The following DLG1 variants were observed in gnomAD, a reference collection of about 807,000 sequenced individuals.
The protein encoded by DLG1 is discs large MAGUK scaffold protein 1, also known as disks large homolog 1.
A neutral mutation model predicts 123.4 loss-of-function variants in DLG1; 42 were observed. The ratio of observed to expected loss-of-function variants is 0.34; its 90% CI spans 0.27 to 0.44. DLG1 has a LOEUF of 0.44. Ranked by LOEUF, DLG1 falls within the 20% of genes least tolerant of loss-of-function variation. DLG1 has a pLI of 1.00. For missense variants in DLG1, 942 were observed against 1,082.6 expected (o/e 0.87, Z 1.82); for synonymous variants, 317 against 356.2 (o/e 0.89, Z 1.24).
At chr3:197,121,798 CT>C (rs1251087835) in intron 11 of DLG1, among the ~76,000 whole-genome samples, 1 of 146,136 alleles carries the variant, frequency 6.8e-6, no homozygotes, top group East Asian at 2.0e-4. Flanking sequence ...GAAACATCCC[CT>C]CCATCAATGC....
At chr3:197,109,393 AT>A (rs1560731588) in intron 13 of DLG1, among the ~76,000 whole-genome samples, 1 of 152,164 alleles carries the variant, frequency 6.6e-6, no homozygotes, top group Non-Finnish European at 1.5e-5. Flanking sequence ...ACAAACAAAC[AT>A]TTTATAAGAA....
chr3:197,297,678 T>C, intron 1 of DLG1: 8 of 989,068 alleles, frequency 8.1e-6, no homozygotes, highest in Non-Finnish European at 9.6e-6. Context: ...CTTGCCTTTC[T>C]CCTTGCTCGC....
chr3:197,052,540 G>A (rs1728632434), intron 23 of DLG1, among the ~76,000 whole-genome samples: 1 of 152,126 alleles, frequency 6.6e-6, no homozygotes, highest in Non-Finnish European at 1.5e-5. Context: ...TGTATACTTG[G>A]AATGACAGAG....
chr3:197,230,402 T>C (rs918885170), intron 4 of DLG1, among the ~76,000 whole-genome samples: 2 of 152,112 alleles, frequency 1.3e-5, no homozygotes, highest in African/African-American at 4.8e-5. Context: ...CCAACCAAAC[T>C]CCTTCACCTG....
chr3:197,139,308 T>C (rs1035251571), intron 8 of DLG1, among the ~76,000 whole-genome samples: 1 of 152,182 alleles, frequency 6.6e-6, no homozygotes, highest in Non-Finnish European at 1.5e-5. Flanking sequence ...AATGTCTACA[T>C]TTACATGAAT....
At chr3:197,291,880 GGTT>G (rs1460339544) in intron 3 of DLG1, among the ~76,000 whole-genome samples, 1 of 152,058 alleles carries the variant, frequency 6.6e-6, no homozygotes, top group African/African-American at 2.4e-5. Flanking sequence ...AATAAATGTT[GGTT>G]ATTATGTTTT....
At chr3:197,254,100 A>C (rs1364543578) in intron 4 of DLG1, among the ~76,000 whole-genome samples, 1 of 152,156 alleles carries the variant, frequency 6.6e-6, no homozygotes, top group Non-Finnish European at 1.5e-5. Context: ...TGGTATAAGG[A>C]GTGGAGCCTT....
At position 197,120,434 on chromosome 3, in the gene DLG1, T is replaced by C. The variant is rs534142111; in HGVS notation, c.1166-904A>G. Among the ~76,000 whole-genome samples, 3 of 152,318 alleles carry C rather than the reference T, an allele frequency of 2.0e-5. No homozygotes were observed. In the East Asian group the frequency reaches 5.8e-4, roughly 29 times the overall value. On this transcript the variant is annotated intron_variant, in intron 11 of 24. Transcript: ENST00000667157. ...ACAGGTAGGTAACACATGGCAGCTG[T>C]AGCTTACAAAGACATAAGACACTTG...
intron 1 of DLG1, chr3:197,297,480 C>T (rs1354770783): frequency 1.5e-6 from 2 of 1,320,282 alleles, no homozygotes; most frequent in Non-Finnish European, 1.9e-6. Flanking sequence ...CGAAAGCGTC[C>T]CCTCCCCAAA....
chr3:197,205,987 C>T (rs1728310348), intron 4 of DLG1, among the ~76,000 whole-genome samples: 1 of 152,138 alleles, frequency 6.6e-6, no homozygotes, highest in South Asian at 2.1e-4. Context: ...TTGGGTCCAC[C>T]CAAATAATTT....
At chr3:197,150,420 T>C (rs1440346610) in intron 5 of DLG1, among the ~76,000 whole-genome samples, 1 of 152,084 alleles carries the variant, frequency 6.6e-6, no homozygotes, top group Admixed American at 6.6e-5. Context: ...TAAGTTTGGA[T>C]TGAAAAAAAA....
At chr3:197,282,321 T>C (rs1769783917) in intron 4 of DLG1, among the ~76,000 whole-genome samples, 1 of 152,200 alleles carries the variant, frequency 6.6e-6, no homozygotes. Context: ...CACAAAACTA[T>C]ATCCTATTTC....
chr3:197,228,290 G>C (rs1170127793), intron 4 of DLG1, among the ~76,000 whole-genome samples: 1 of 152,086 alleles, frequency 6.6e-6, no homozygotes, highest in East Asian at 1.9e-4. Context: ...ATTCAGTTCT[G>C]TGCAGACATG....
chr3:197,292,416 CAGAA>C (rs1775388258), intron 3 of DLG1, among the ~76,000 whole-genome samples: 2 of 152,114 alleles, frequency 1.3e-5, no homozygotes. Context: ...TTCACTGAAA[CAGAA>C]AGCAGCACGT....
Position 197,066,773 on chromosome 3 carries a change from A to G in DLG1, c.2048-19T>C. ...TGACCACCTATTAGAAAGTGAAGGCACAGATGAAAAATGTGTAAAGATAAT... is the reference window on the plus strand; with the variant it reads ...TGACCACCTATTAGAAAGTGAAGGCGCAGATGAAAAATGTGTAAAGATAAT... On this transcript the variant is annotated intron_variant, in intron 19 of 24. Coordinates refer to ENST00000667157, the MANE Select transcript of DLG1 (RefSeq NM_001366207.1). 6.5e-7 allele frequency: 1 copy of G among 1,549,770 alleles called. No individual in the cohort carries two copies. Among genetic ancestry groups the G allele is most frequent in the Non-Finnish European group, 8.9e-7 (1 of 1,127,252 alleles).
In DLG1 at chr3:197,043,362, A is replaced by G. The variant is rs1007004929; in HGVS notation, c.*1261T>C. On this transcript the variant is annotated 3_prime_UTR_variant, in exon 25 of 25. Coordinates refer to ENST00000667157, the MANE Select transcript of DLG1 (RefSeq NM_001366207.1). ...AACACGGACAACAACAAAAAACCTCAGGAACCATTTGAAAACCTTTGTAGA... is the reference window on the plus strand; with the variant it reads ...AACACGGACAACAACAAAAAACCTCGGGAACCATTTGAAAACCTTTGTAGA... The G allele has an allele frequency of 3.3e-5, 5 of 152,184 alleles. No individual in the cohort carries two copies. In the East Asian group the frequency reaches 9.6e-4, roughly 29 times the overall value. The allele number at this position is 152,184 out of a possible 1,614,324, so 9.4% of individuals were successfully genotyped here.
intron 5 of DLG1, among the ~76,000 whole-genome samples, chr3:197,153,984 T>A (rs1795161723): frequency 6.6e-6 from 1 of 152,140 alleles, no homozygotes; most frequent in Admixed American, 6.5e-5. Context: ...TTAAAAAAAA[T>A]ATAAATCAAT....
At chr3:197,211,820 G>A (rs1361658106) in intron 4 of DLG1, among the ~76,000 whole-genome samples, 2 of 146,128 alleles carry the variant, frequency 1.4e-5, no homozygotes, top group Non-Finnish European at 3.1e-5. Context: ...GTTCACTGCA[G>A]CACTACTCAC....
chr3:197,069,331 A>G (rs1332867752), intron 18 of DLG1, 71 bp from the exon 19 acceptor site: 37 of 1,036,466 alleles, frequency 3.6e-5, no homozygotes, highest in Non-Finnish European at 7.0e-6. Context: ...TCAAAATGAA[A>G]TGTTGAGATA....
Sources: allele counts gnomAD v4.1 joint callset (sites outside exome capture counted in the v4.1 genomes callset), GRCh38; gene constraint gnomAD v4.1.1; transcripts MANE v1.5; gene names NCBI Gene and HGNC (gene_info 2026-07-23, HGNC 2026-07-21).